The following RIGI variants were observed in gnomAD, a reference collection of about 807,000 sequenced individuals.
RIGI encodes RNA sensor RIG-I, also known as antiviral innate immune response receptor RIG-I.
chr9:32,487,470 C>T, the RIGI span: 1 of 1,613,538 alleles, frequency 6.2e-7, no homozygotes, highest in African/African-American at 1.3e-5. Context: ...ATCCAACTTA[C>T]ACTTCTGGGG....
At chr9:32,487,750 G>A in the RIGI span, 9 of 1,297,264 alleles carry the variant, frequency 6.9e-6, no homozygotes, top group Non-Finnish European at 7.4e-6. Flanking sequence ...CTAACACACA[G>A]TGTATGGCAC....
the RIGI span, among the ~76,000 whole-genome samples, chr9:32,503,836 G>C: frequency 6.6e-6 from 1 of 152,132 alleles, no homozygotes; most frequent in African/African-American, 2.4e-5. Context: ...GAGGTCAGGA[G>C]TTCAAGACCA....
the RIGI span, among the ~76,000 whole-genome samples, chr9:32,484,709 CT>C: frequency 1.3e-5 from 2 of 152,200 alleles, no homozygotes; most frequent in Non-Finnish European, 2.9e-5. Flanking sequence ...TTAATCTTCA[CT>C]TTTTTCCCCA....
the RIGI span, among the ~76,000 whole-genome samples, chr9:32,495,509 G>A: frequency 2.0e-5 from 3 of 147,796 alleles, no homozygotes; most frequent in African/African-American, 5.0e-5. Flanking sequence ...CTTTGTTTTT[G>A]TTTTTATAGA....
At chr9:32,513,143 G>A in the RIGI span, among the ~76,000 whole-genome samples, 3 of 151,736 alleles carry the variant, frequency 2.0e-5, no homozygotes, top group Non-Finnish European at 1.5e-5. Flanking sequence ...TGGCCATACT[G>A]CCCAAGGTAA....
the RIGI span, among the ~76,000 whole-genome samples, chr9:32,511,425 A>C: frequency 5.9e-5 from 9 of 152,216 alleles, no homozygotes; most frequent in African/African-American, 2.2e-4. Flanking sequence ...AGGATTAAGA[A>C]ACTCACTCAA....
chr9:32,485,533 T>G, the RIGI span: 2 of 218,556 alleles, frequency 9.2e-6, no homozygotes, highest in Non-Finnish European at 1.8e-5. Context: ...ACTAGCTTCT[T>G]TTTTTTTTTT....
At chr9:32,485,531 CTTTTTTTTTTTTT>C in the RIGI span, 2 of 321,398 alleles carry the variant, frequency 6.2e-6, no homozygotes, top group Admixed American at 4.4e-5. Flanking sequence ...TAACTAGCTT[CTTTTTTTTTTTTT>C]TTTTTTTTTT....
At chr9:32,466,183 G>C in the RIGI span, 2 of 1,152,712 alleles carry the variant, frequency 1.7e-6, no homozygotes, top group East Asian at 2.4e-5. Flanking sequence ...TAAACTTTTT[G>C]TTGTAATATA....
chr9:32,477,894 C>A, the RIGI span, among the ~76,000 whole-genome samples: 1 of 151,716 alleles, frequency 6.6e-6, no homozygotes, highest in African/African-American at 2.4e-5. Flanking sequence ...CACTGCACTA[C>A]AGCCTGGGAA....
the RIGI span, chr9:32,493,803 C>A: frequency 8.1e-6 from 13 of 1,607,006 alleles, no homozygotes; most frequent in African/African-American, 2.7e-5. Flanking sequence ...AACATTCAGA[C>A]AGATCAGAAA....
the RIGI span, among the ~76,000 whole-genome samples, chr9:32,504,591 T>C: frequency 6.6e-6 from 1 of 151,490 alleles, no homozygotes; most frequent in Non-Finnish European, 1.5e-5. Flanking sequence ...GGCAGGAGAA[T>C]CGCTTGAACC....
the RIGI span, among the ~76,000 whole-genome samples, chr9:32,470,076 A>G: frequency 6.6e-6 from 1 of 152,178 alleles, no homozygotes; most frequent in Non-Finnish European, 1.5e-5. Flanking sequence ...ATCTCTAAAC[A>G]TTATTTTGAT....
the RIGI span, chr9:32,466,575 G>T: frequency 1.3e-6 from 1 of 792,618 alleles, no homozygotes; most frequent in African/African-American, 1.8e-5. Context: ...GGAAAGTTGA[G>T]CTGTTAAAGA....
chr9:32,479,760 C>T, the RIGI span, among the ~76,000 whole-genome samples: 2 of 151,462 alleles, frequency 1.3e-5, no homozygotes, highest in Non-Finnish European at 2.9e-5. Context: ...TTGCCTGAAT[C>T]CGGGAGGCAG....
At chr9:32,503,869 C>G in the RIGI span, among the ~76,000 whole-genome samples, 4 of 152,064 alleles carry the variant, frequency 2.6e-5, no homozygotes, top group Non-Finnish European at 4.4e-5. Context: ...TGGTGAAACC[C>G]CGTCTCTACT....
the RIGI span, chr9:32,488,309 CAAA>C: frequency 8.0e-7 from 1 of 1,256,108 alleles, no homozygotes; most frequent in South Asian, 1.4e-5. Flanking sequence ...TCCCTGAGTC[CAAA>C]AGAAGAATAG....
At chr9:32,478,341 G>A in the RIGI span, among the ~76,000 whole-genome samples, 9 of 151,868 alleles carry the variant, frequency 5.9e-5, no homozygotes, top group African/African-American at 1.9e-4. Context: ...CACCATGCCT[G>A]GCCAATTGTT....
At chr9:32,478,554 G>A in the RIGI span, among the ~76,000 whole-genome samples, 1 of 152,052 alleles carries the variant, frequency 6.6e-6, no homozygotes, top group African/African-American at 2.4e-5. Context: ...AAAAATCAGT[G>A]CTTTATTGAT....
Sources: gnomAD v4.1 joint callset for allele counts (sites outside exome capture counted in the v4.1 genomes callset) on GRCh38, gnomAD v4.1.1 for gene constraint, MANE v1.5 for transcripts, NCBI Gene and HGNC (gene_info 2026-07-23, HGNC 2026-07-21) for gene names.